Variants in KLRK1 observed in about 807,000 individuals in gnomAD.
The protein encoded by KLRK1 is NKG2-D type II integral membrane protein.
In KLRK1, 40 loss-of-function variants were observed where a neutral mutation model predicts 31.3. The observed-to-expected ratio is 1.28, with a 90% CI of 0.99 to 1.67. The LOEUF is 1.67. Among genes scored for constraint, KLRK1 ranks in the 40% most tolerant of loss-of-function variants. KLRK1 has a pLI of 0.00. For synonymous variants in KLRK1, 77 were observed against 77.3 expected (o/e 1.00, Z 0.02); for missense variants, 251 against 260.0 (o/e 0.97, Z 0.24).
At chr12:10,374,395 CTCT>C (rs1221734216) in intron 7 of KLRK1, among the ~76,000 whole-genome samples, 2 of 93,926 alleles carry the variant, frequency 2.1e-5, no homozygotes, top group African/African-American at 4.5e-5. Context: ...TTTCCTCTCT[CTCT>C]TTTTTTTTTT....
At chr12:10,376,295 C>T (rs527311521) in intron 7 of KLRK1, among the ~76,000 whole-genome samples, 2 of 92,300 alleles carry the variant, frequency 2.2e-5, no homozygotes, top group South Asian at 3.3e-4. Context: ...TAGTCTAGTC[C>T]ATAACACTGA....
rs769830158 is a variant in KLRK1, at chr12:10,386,996, G to T, written c.55C>A (p.His19Asn). 2 of 1,610,088 alleles carry T rather than the reference G, an allele frequency of 1.2e-6. No homozygotes were observed. Among genetic ancestry groups the T allele is most frequent in the African/African-American group, 1.3e-5 (1 of 74,784 alleles). The change falls in exon 3 of 8, where the codon CAT becomes AAT. Residue 19 changes from histidine to asparagine, a missense_variant. By Grantham distance (68) the His-to-Asn change is moderately conservative. Transcript: ENST00000240618. ...TTCTTCAGATCCAAGTTATAATTAT[G>T]AAATTCACTCATCTCTAGAGAAAAA... is the stretch of plus-strand genomic sequence containing the variant. ...SRHSWEMSEF[H>N]NYNLDLKKSD...
chr12:10,374,791 T>C (rs1235326615), intron 7 of KLRK1, among the ~76,000 whole-genome samples: 4 of 152,228 alleles, frequency 2.6e-5, no homozygotes, highest in South Asian at 2.1e-4. Flanking sequence ...CACTGGATTA[T>C]TTGTTTGTAA....
chr12:10,380,254 A>C (rs1361032307), intron 3 of KLRK1, among the ~76,000 whole-genome samples: 1 of 151,920 alleles, frequency 6.6e-6, no homozygotes, highest in Non-Finnish European at 1.5e-5. Context: ...TTTAGTAGAG[A>C]TAGGGTTTCA....
At chr12:10,382,007 G>A (rs1340006627) in intron 3 of KLRK1, 1 of 152,144 alleles carries the variant, frequency 6.6e-6, no homozygotes, top group African/African-American at 2.4e-5. Context: ...GGAGCATTTT[G>A]ACCCACCGTG....
intron 3 of KLRK1, 44 bp downstream of exon 3, chr12:10,386,859 C>T: frequency 7.4e-6 from 11 of 1,477,476 alleles, no homozygotes; most frequent in Non-Finnish European, 1.0e-5. Context: ...TTCCAAGATT[C>T]ATTTCAATAT....
chr12:10,377,499 CTT>C (rs1862988396), intron 7 of KLRK1, among the ~76,000 whole-genome samples: 1 of 152,098 alleles, frequency 6.6e-6, no homozygotes, highest in Non-Finnish European at 1.5e-5. Flanking sequence ...CTCAAGATAA[CTT>C]TTCTAAGTGA....
intron 7 of KLRK1, among the ~76,000 whole-genome samples, chr12:10,376,541 ATAT>A (rs1416124611): frequency 6.6e-6 from 1 of 152,170 alleles, no homozygotes; most frequent in Admixed American, 6.5e-5. Context: ...ATCATCTCAC[ATAT>A]TAATAGTATA....
At chr12:10,376,672 CAGTG>C (rs1362268157) in intron 7 of KLRK1, among the ~76,000 whole-genome samples, 1 of 151,964 alleles carries the variant, frequency 6.6e-6, no homozygotes, top group Non-Finnish European at 1.5e-5. Flanking sequence ...AAGCAGAAAT[CAGTG>C]AGAAGAAAAT....
chr12:10,378,554 C>CTTTT lies in KLRK1; in HGVS notation c.428_429insAAAA (p.Asp144LysfsTer5). On this transcript the variant is annotated frameshift_variant and splice_region_variant, in exon 6 of 8. Transcript: ENST00000240618. LOFTEE classifies it high-confidence loss of function. ...TGGGAAATTAAAATAAATACTCAAC[C>CTTTT]TGGTCCTCTTTGCTGTATACTTTCA... 1 of 1,609,966 alleles carries CTTTT rather than the reference C, an allele frequency of 6.2e-7. No homozygotes were observed. Among genetic ancestry groups the CTTTT allele is most frequent in the Non-Finnish European group, 8.5e-7 (1 of 1,179,142 alleles).
chr12:10,373,274 A>T, intron 7 of KLRK1, 43 bp from the exon 8 acceptor site: 1 of 1,489,350 alleles, frequency 6.7e-7, no homozygotes, highest in Non-Finnish European at 9.0e-7. Context: ...GATTTTATTA[A>T]CGCGGGAAAA....
Position 10,388,760 on chromosome 12 carries a change from TA to T in KLRK1, c.40+10del, listed in dbSNP as rs61603238. 11,436 of 1,613,888 alleles carry T rather than the reference TA, an allele frequency of 7.1e-3. 655 individuals carry two copies. In the African/African-American group the frequency reaches 0.13, roughly 18 times the overall value. On this transcript the variant is annotated intron_variant, in intron 2 of 7. Coordinates refer to ENST00000240618, the MANE Select transcript of KLRK1 (RefSeq NM_007360.4). ...AAAACAAAACTACACACTTATGTGG[TA>T]AAAACATACCCCAGCTGTGTCGAGA...
rs1193093452 is a variant in KLRK1 at position 10,378,142 on chromosome 12, A to G, written c.523T>C (p.Ser175Pro). 1 of 1,614,050 alleles carries G rather than the reference A, an allele frequency of 6.2e-7. No individual in the cohort carries two copies. The highest frequency in any genetic ancestry group is 1.7e-5 in the Admixed American group (1 of 60,000). ...SWQWEDGSIL[S>P]PNLLTIIEMQ... ...GGGTCAGAGACTTACAGGTTGGGTG[A>G]GAGAATGGAGCCATCTTCCCACTGC... Residue 175 changes from serine to proline, a missense_variant, in exon 7 of 8, where the codon TCA becomes CCA. Transcript: ENST00000240618.
chr12:10,377,618 A>AAGAGGTAAGGACATAGGGACAC (rs1262565438), intron 7 of KLRK1, among the ~76,000 whole-genome samples: 57 of 152,328 alleles, frequency 3.7e-4, no homozygotes, highest in African/African-American at 1.4e-3. Flanking sequence ...TGGAAAGAGA[A>AAGAGGTAAGGACATAGGGACAC]AGAGGTAAGG....
In KLRK1 at chr12:10,379,803, A is replaced by G; in HGVS notation, c.149-11T>C. ...AAAAAAATGGAGATGCTGTCAAAGA[A>G]AAAAGACACAGATCAGAGAAAGAAG... On this transcript the variant is annotated splice_polypyrimidine_tract_variant and intron_variant, in intron 3 of 7. Transcript: ENST00000240618. 1 of 1,609,284 alleles carries G rather than the reference A, an allele frequency of 6.2e-7. No homozygotes were observed. The highest frequency in any genetic ancestry group is 1.3e-5 in the African/African-American group (1 of 74,902).
In KLRK1 at chr12:10,378,683, AGG is replaced by A; in HGVS notation, c.298_299del (p.Pro100Ter). 1 of 1,607,494 alleles carries A rather than the reference AGG, an allele frequency of 6.2e-7. No individual in the cohort carries two copies. Among genetic ancestry groups the A allele is most frequent in the Non-Finnish European group, 8.5e-7 (1 of 1,178,384 alleles). Reference sequence around the variant, plus strand: ...TATTTTTGTAACATATCCAGTTTTTAGGACATGGGCCACAGTAACTTTCTGGA... The same window carrying A: ...TATTTTTGTAACATATCCAGTTTTTAACATGGGCCACAGTAACTTTCTGGA... The part of the protein sequence containing the change: ...PLTESYCGPC[P>X]KNWICYKNNC... On this transcript the variant is annotated frameshift_variant, in exon 6 of 8. Transcript: ENST00000240618. LOFTEE classifies it high-confidence loss of function.
rs554581848 is a variant in KLRK1, at chr12:10,373,324, C to T, written c.534-93G>A. The T allele has an allele frequency of 7.0e-4, 746 of 1,058,508 alleles. 16 individuals are homozygous for T. The South Asian group carries it at 0.012, about 18-fold the overall frequency. The allele number at this position is 1,058,508 out of a possible 1,614,324, so 65.6% of individuals were successfully genotyped here. On this transcript the variant is annotated intron_variant, in intron 7 of 7. Transcript: ENST00000240618. ...ACCTATTGAACTTCAAATACAGGAA[C>T]TTAATACCATTTTAGGAGATTATGG...
rs1409941802 is a variant in KLRK1, at chr12:10,388,849, C to T, written c.-39G>A. ...GTGCACGTCTACCGCAGAGAGGAAT[C>T]TAAAGTCTTCAATGCACAAAGGATT... On this transcript the variant is annotated 5_prime_UTR_variant, in exon 2 of 8. Coordinates refer to ENST00000240618, the MANE Select transcript of KLRK1 (RefSeq NM_007360.4). 1.9e-6 allele frequency: 3 copies of T among 1,612,720 alleles called. No homozygotes were observed. The highest frequency in any genetic ancestry group is 2.5e-6 in the Non-Finnish European group (3 of 1,179,206).
intron 7 of KLRK1, among the ~76,000 whole-genome samples, chr12:10,374,504 T>G (rs1016154611): frequency 2.6e-5 from 4 of 151,194 alleles, no homozygotes; most frequent in Admixed American, 2.6e-4. Flanking sequence ...GCAATTCTGC[T>G]GCCCCTCAGC....
Sources: allele counts gnomAD v4.1 joint callset (sites outside exome capture counted in the v4.1 genomes callset), GRCh38; gene constraint gnomAD v4.1.1; transcripts MANE v1.5; gene names NCBI Gene and HGNC (gene_info 2026-07-23, HGNC 2026-07-21).